Variants in CISD1 observed in about 807,000 individuals in gnomAD.
The protein encoded by CISD1 is CDGSH iron-sulfur domain-containing protein 1.
CISD1 carries 8 observed loss-of-function variants against 12.0 expected under a neutral mutation model. The observed-to-expected ratio is 0.67, with a 90% CI of 0.39 to 1.20. The LOEUF is 1.20. CISD1 is among the 50% of genes most tolerant of loss of function. CISD1 has a pLI of 0.01. For missense variants in CISD1, 107 were observed against 132.7 expected, an observed-to-expected ratio of 0.81 and a Z score of 0.95; for synonymous variants, 38 against 42.2, an observed-to-expected ratio of 0.90 and a Z score of 0.39.
chr10:58,285,094 C>G (rs1839414413), intron 2 of CISD1, among the ~76,000 whole-genome samples: 1 of 152,092 alleles, frequency 6.6e-6, no homozygotes, highest in Non-Finnish European at 1.5e-5. Flanking sequence ...GTTTTTGCAT[C>G]AAGGCTTGTT....
At chr10:58,279,901 G>A (rs1298350961) in intron 2 of CISD1, among the ~76,000 whole-genome samples, 3 of 152,186 alleles carry the variant, frequency 2.0e-5, no homozygotes, top group Admixed American at 1.3e-4. Flanking sequence ...AGAAGCCAAG[G>A]CAGGAGGATC....
intron 2 of CISD1, among the ~76,000 whole-genome samples, chr10:58,278,748 T>G (rs1010068589): frequency 2.0e-5 from 3 of 152,162 alleles, no homozygotes; most frequent in African/African-American, 7.2e-5. Flanking sequence ...ATTTGAAATC[T>G]GAAATGCTCA....
chr10:58,288,929 A>G lies in CISD1; in HGVS notation c.*1279A>G, dbSNP rs1171216941. 1.3e-5 allele frequency: 2 copies of G among 152,274 alleles called. No homozygotes were observed. The highest frequency in any genetic ancestry group is 3.7e-4 in the East Asian group (2 of 5,340). The allele number at this position is 152,274 out of a possible 1,614,324, so 9.4% of individuals were successfully genotyped here. A position where few individuals can be genotyped will look rare whatever the true frequency, so the allele number is the denominator to read the frequency against. On this transcript the variant is annotated 3_prime_UTR_variant, in exon 3 of 3. Coordinates refer to ENST00000333926, the MANE Select transcript of CISD1 (RefSeq NM_018464.5). ...CTTGCTAAAATCCATTTACCTTGAC[A>G]GGAATCAAACCTGACAGCAGCATAT...
intron 1 of CISD1, among the ~76,000 whole-genome samples, chr10:58,274,138 AAAAG>A (rs774747368): frequency 7.2e-6 from 1 of 138,018 alleles, no homozygotes; most frequent in African/African-American, 2.9e-5. Flanking sequence ...ATCTCAAAAA[AAAAG>A]AAAAAAGAAA....
Position 58,271,563 on chromosome 10 carries a change from T to C in CISD1, c.31+2259T>C, listed in dbSNP as rs574196088. Among the ~76,000 whole-genome samples the C allele has an allele frequency of 3.9e-5, 6 of 152,334 alleles. No individual in the cohort carries two copies. In the East Asian group the frequency reaches 1.2e-3, roughly 29 times the overall value. ...TTTAAACCAAGTTTATTCCTACAGA[T>C]TGAAAATCAATTTAGATCTTTTAAT... is the stretch of plus-strand genomic sequence containing the variant. On this transcript the variant is annotated intron_variant, in intron 1 of 2. Transcript: ENST00000333926.
chr10:58,280,591 A>G (rs1416764), intron 2 of CISD1, among the ~76,000 whole-genome samples: 51,153 of 152,046 alleles, frequency 0.34, 10,776 homozygotes, highest in African/African-American at 0.6. Flanking sequence ...GTGAGACATC[A>G]GGGTTGGAGA....
chr10:58,282,408 T>C (rs1449153770), intron 2 of CISD1, among the ~76,000 whole-genome samples: 1 of 152,234 alleles, frequency 6.6e-6, no homozygotes, highest in Non-Finnish European at 1.5e-5. Flanking sequence ...CATAATCCTG[T>C]ATACTTTAAA....
chr10:58,269,354 C>T, intron 1 of CISD1, 50 bp downstream of exon 1: 1 of 1,562,144 alleles, frequency 6.4e-7, no homozygotes, highest in Non-Finnish European at 8.7e-7. Flanking sequence ...CAGCGGTTGC[C>T]GCGCCCGCAG....
At chr10:58,276,999 A>G in intron 1 of CISD1, 118 bp from the exon 2 acceptor site, 1 of 657,826 alleles carries the variant, frequency 1.5e-6, no homozygotes, top group South Asian at 2.0e-5. Context: ...TGTTAACATT[A>G]AAAACCTTGG....
At chr10:58,272,046 C>G (rs1274506530) in intron 1 of CISD1, among the ~76,000 whole-genome samples, 1 of 152,156 alleles carries the variant, frequency 6.6e-6, no homozygotes, top group African/African-American at 2.4e-5. Context: ...CACCCTTAAC[C>G]CTTTCTCTTC....
At chr10:58,272,917 G>A (rs907202823) in intron 1 of CISD1, among the ~76,000 whole-genome samples, 2 of 151,802 alleles carry the variant, frequency 1.3e-5, no homozygotes, top group Admixed American at 6.6e-5. Context: ...AGACTCCATC[G>A]CAAAAAAAAG....
In CISD1 at chr10:58,287,563, C is replaced by A; in HGVS notation, c.240C>A (p.Phe80Leu). Residue 80 changes from phenylalanine (F) to leucine (L), a missense_variant and splice_region_variant, in exon 3 of 3, where the codon TTC becomes TTA. Physicochemically the swap from Phe to Leu is conservative, Grantham distance 22 (BLOSUM62 0). Coordinates refer to ENST00000333926, the MANE Select transcript of CISD1 (RefSeq NM_018464.5). ...VYCRCWRSKK[F>L]PFCDGAHTKH... ...ACATTCATTCTTTCTCTTCCTAGTT[C>A]CCATTCTGTGATGGGGCTCACACAA... is the stretch of plus-strand genomic sequence containing the variant. 1 of 1,601,796 alleles carries A rather than the reference C, an allele frequency of 6.2e-7. No homozygotes were observed. Among genetic ancestry groups the A allele is most frequent in the Non-Finnish European group, 8.5e-7 (1 of 1,171,538 alleles).
intron 1 of CISD1, among the ~76,000 whole-genome samples, chr10:58,275,626 A>C (rs1839303900): frequency 6.6e-6 from 1 of 152,230 alleles, no homozygotes; most frequent in South Asian, 2.1e-4. Flanking sequence ...ACGGGAAGGA[A>C]AACAGTATAA....
At chr10:58,277,496 TG>T (rs1219941662) in intron 2 of CISD1, among the ~76,000 whole-genome samples, 174 bp downstream of exon 2, 4 of 152,100 alleles carry the variant, frequency 2.6e-5, no homozygotes, top group Non-Finnish European at 2.9e-5. Context: ...CTCAGCTCAC[TG>T]CAACCTCCAC....
rs1392217652 is a variant in CISD1, at chr10:58,277,168, A to G, written c.83A>G (p.Tyr28Cys). 11 of 1,612,630 alleles carry G rather than the reference A, an allele frequency of 6.8e-6. No individual in the cohort carries two copies. The highest frequency in any genetic ancestry group is 1.7e-5 in the Admixed American group (1 of 59,808). The change falls in exon 2 of 3, where the codon TAT (tyrosine) becomes TGT (cysteine). Residue 28 changes from tyrosine to cysteine, a missense_variant. By Grantham distance (194) the Tyr-to-Cys change is radical. Coordinates refer to ENST00000333926, the MANE Select transcript of CISD1 (RefSeq NM_018464.5). ...TIAAGTAAIG[Y>C]LAYKRFYVKD... ...GCTGCTGGGACAGCTGCAATTGGTT[A>G]TCTAGCTTACAAAAGATTTTATGTT...
chr10:58,272,763 C>CA (rs1221533832), intron 1 of CISD1, among the ~76,000 whole-genome samples: 1 of 152,050 alleles, frequency 6.6e-6, no homozygotes, highest in Non-Finnish European at 1.5e-5. Context: ...ACTAAAAATA[C>CA]AAAAAATTAG....
At chr10:58,276,796 A>G (rs777654005) in intron 1 of CISD1, among the ~76,000 whole-genome samples, 3 of 151,554 alleles carry the variant, frequency 2.0e-5, no homozygotes, top group Non-Finnish European at 4.4e-5. Context: ...ATGTTATTTA[A>G]AATTTACTTA....
rs1258981120 is a variant in CISD1, at chr10:58,287,671, A to C, written c.*21A>C. 3 of 1,524,642 alleles carry C rather than the reference A, an allele frequency of 2.0e-6. No homozygotes were observed. The highest frequency in any genetic ancestry group is 2.7e-6 in the Non-Finnish European group (3 of 1,108,970). 94.4% of individuals were successfully genotyped at this position (1,524,642 alleles called of 1,614,324 possible). A position where few individuals can be genotyped will look rare whatever the true frequency, so the allele number is the denominator to read the frequency against. On this transcript the variant is annotated 3_prime_UTR_variant, in exon 3 of 3. Transcript: ENST00000333926. ...CTTAAATGGACACTTTTGATGCTGC[A>C]AATCAGCTTGTCGTGAAGTTACCTG... is the stretch of plus-strand genomic sequence containing the variant.
rs1839464974 is a variant in CISD1, at chr10:58,289,397, A to G, written c.*1747A>G. 1 of 152,060 alleles carries G rather than the reference A, an allele frequency of 6.6e-6. No individual in the cohort carries two copies. Among genetic ancestry groups the G allele is most frequent in the Non-Finnish European group, 1.5e-5 (1 of 67,920 alleles). 9.4% of individuals were successfully genotyped at this position (152,060 alleles called of 1,614,324 possible). A position where few individuals can be genotyped will look rare whatever the true frequency, so the allele number is the denominator to read the frequency against. The stretch of plus-strand genomic sequence containing the variant: ...GTTCTCAAAACTATAGGATTATATG[A>G]GTGTGTGTATACATATGGCAAAATT... On this transcript the variant is annotated 3_prime_UTR_variant, in exon 3 of 3. Transcript: ENST00000333926.
Sources: allele counts gnomAD v4.1 joint callset (sites outside exome capture counted in the v4.1 genomes callset), GRCh38; gene constraint gnomAD v4.1.1; transcripts MANE v1.5; gene names NCBI Gene and HGNC (gene_info 2026-07-23, HGNC 2026-07-21).